RIMS2: variants seen among roughly 807,000 people sequenced by gnomAD.
RIMS2 encodes the protein regulating synaptic membrane exocytosis protein 2.
A neutral mutation model predicts 174.4 loss-of-function variants in RIMS2; 59 were observed. That is an observed-to-expected ratio of 0.34 (90% CI 0.27 to 0.42). The LOEUF is 0.42. Ranked by LOEUF, RIMS2 falls within the 10% of genes least tolerant of loss-of-function variation. The probability of loss-of-function intolerance (pLI) is 1.00; values close to 1 mark genes in which losing one functional copy is unlikely to be tolerated. For synonymous variants in RIMS2, 606 were observed against 572.5 expected, an observed-to-expected ratio of 1.06 and a Z score of -0.84; for missense variants, 1,620 against 1,666.3, an observed-to-expected ratio of 0.97 and a Z score of 0.48.
At chr8:103,997,951 GAT>G (rs2095203531) in intron 17 of RIMS2, among the ~76,000 whole-genome samples, 1 of 151,058 alleles carries the variant, frequency 6.6e-6, no homozygotes, top group African/African-American at 2.4e-5. Context: ...AGTAATAACT[GAT>G]GTTATATTGT....
At chr8:103,968,351 G>A (rs1275364574) in intron 15 of RIMS2, among the ~76,000 whole-genome samples, 3 of 151,362 alleles carry the variant, frequency 2.0e-5, no homozygotes, top group Non-Finnish European at 2.9e-5. Context: ...TGATATAGTG[G>A]GATTAATATC....
chr8:104,005,107 C>T (rs1303653965), intron 17 of RIMS2, among the ~76,000 whole-genome samples: 1 of 152,124 alleles, frequency 6.6e-6, no homozygotes, highest in African/African-American at 2.4e-5. Flanking sequence ...AATCTGGAGA[C>T]TGGGGTTCAT....
chr8:103,793,351 GC>G (rs1438660734), intron 3 of RIMS2, among the ~76,000 whole-genome samples: 1 of 152,126 alleles, frequency 6.6e-6, no homozygotes, highest in African/African-American at 2.4e-5. Flanking sequence ...CTCAATAGAT[GC>G]AGAAAAGGCC....
intron 9 of RIMS2, among the ~76,000 whole-genome samples, chr8:103,919,134 AG>A (rs1364737662): frequency 3.3e-5 from 5 of 152,172 alleles, no homozygotes; most frequent in Non-Finnish European, 7.4e-5. Flanking sequence ...ATTGATTGAG[AG>A]TACAGTAAGG....
At chr8:103,668,653 G>GATTTATTTATTTATTT (rs139537432) in intron 1 of RIMS2, among the ~76,000 whole-genome samples, 3,360 of 149,162 alleles carry the variant, frequency 0.023, 60 homozygotes, top group Non-Finnish European at 0.033. Context: ...GAGTATAGAC[G>GATTTATTTATTTATTT]ATTTATTTAT....
intron 1 of RIMS2, among the ~76,000 whole-genome samples, chr8:103,573,564 T>A (rs1188849501): frequency 5.3e-5 from 8 of 152,190 alleles, no homozygotes; most frequent in Admixed American, 3.9e-4. Context: ...TCTATTCTGC[T>A]ATGTTGGTCC....
In RIMS2 at chr8:104,091,781, GA is replaced by G. The variant is rs545245719; in HGVS notation, c.3334+77171del. ...TTGGTATTTTAAAATGACTTTATTT[GA>G]AAAATAATATTATGATCTAAATTGT... On this transcript the variant is annotated intron_variant, in intron 19 of 23. Transcript: ENST00000504942. Among the ~76,000 whole-genome samples, 10 of 151,416 alleles carry G rather than the reference GA, an allele frequency of 6.6e-5. 1 individual carries two copies. The South Asian group carries it at 2.1e-3, about 31-fold the overall frequency.
At chr8:104,097,284 C>T (rs964988460) in intron 19 of RIMS2, among the ~76,000 whole-genome samples, 13 of 152,072 alleles carry the variant, frequency 8.5e-5, no homozygotes, top group African/African-American at 3.1e-4. Flanking sequence ...ACACCTTATA[C>T]ACATAGCCTG....
At chr8:104,109,896 C>T (rs2098146658) in intron 19 of RIMS2, among the ~76,000 whole-genome samples, 1 of 152,040 alleles carries the variant, frequency 6.6e-6, no homozygotes, top group Non-Finnish European at 1.5e-5. Flanking sequence ...TATTTTATTT[C>T]TTAAATTGCC....
chr8:103,992,278 T>A (rs868752706), intron 17 of RIMS2, among the ~76,000 whole-genome samples: 15,786 of 142,320 alleles, frequency 0.11, 1,068 homozygotes, highest in Non-Finnish European at 0.17. Context: ...CCAGCTATTT[T>A]TTTTTTTTTT....
intron 1 of RIMS2, among the ~76,000 whole-genome samples, chr8:103,661,547 A>C (rs143566684): frequency 0.03 from 4,549 of 152,072 alleles, 75 homozygotes; most frequent in African/African-American, 0.046. Flanking sequence ...TCTGTCACCC[A>C]GGCTGGAGTG....
At chr8:103,614,257 C>T (rs2095453886) in intron 1 of RIMS2, among the ~76,000 whole-genome samples, 1 of 152,272 alleles carries the variant, frequency 6.6e-6, no homozygotes, top group Non-Finnish European at 1.5e-5. Flanking sequence ...GGTCCGTTTG[C>T]TCTCTCCATG....
chr8:104,158,924 G>C (rs2121552), intron 19 of RIMS2, among the ~76,000 whole-genome samples: 43,222 of 151,940 alleles, frequency 0.28, 6,317 homozygotes, highest in Non-Finnish European at 0.32. Context: ...TCTATTTTGC[G>C]TTTTGTTGCC....
chr8:103,921,416 G>C (rs184322734), intron 9 of RIMS2, among the ~76,000 whole-genome samples: 51 of 152,134 alleles, frequency 3.4e-4, no homozygotes, highest in African/African-American at 1.1e-3. Context: ...ACTAAGTCCT[G>C]AGGTAGAGGT....
exon 4 of RIMS2, chr8:103,885,465 A>T: frequency 6.2e-7 from 1 of 1,612,714 alleles, no homozygotes; most frequent in Non-Finnish European, 8.5e-7. Flanking sequence ...GAAGACTCTG[A>T]TCATTTAAGT....
At chr8:103,693,022 G>T (rs1278934368) in intron 1 of RIMS2, among the ~76,000 whole-genome samples, 4 of 152,144 alleles carry the variant, frequency 2.6e-5, no homozygotes, top group Non-Finnish European at 5.9e-5. Context: ...TTAGCTCATG[G>T]TGATGGGGCT....
At chr8:103,779,879 G>A (rs1236403822) in intron 3 of RIMS2, among the ~76,000 whole-genome samples, 2 of 150,796 alleles carry the variant, frequency 1.3e-5, no homozygotes, top group East Asian at 1.9e-4. Flanking sequence ...TTGTGCACAT[G>A]TACCCTAAAA....
At chr8:104,077,684 C>CT (rs1327396786) in intron 19 of RIMS2, among the ~76,000 whole-genome samples, 1 of 139,414 alleles carries the variant, frequency 7.2e-6, no homozygotes, top group African/African-American at 2.6e-5. Flanking sequence ...GCTCTGAACT[C>CT]AGGGTTCAGA....
At chr8:103,771,517 A>T (rs1374761562) in intron 3 of RIMS2, among the ~76,000 whole-genome samples, 4 of 152,116 alleles carry the variant, frequency 2.6e-5, no homozygotes, top group Admixed American at 2.0e-4. Flanking sequence ...AGAAATATGG[A>T]TAGTTTGTAT....
Sources: gnomAD v4.1 joint callset for allele counts (sites outside exome capture counted in the v4.1 genomes callset) on GRCh38, gnomAD v4.1.1 for gene constraint, MANE v1.5 for transcripts, NCBI Gene and HGNC (gene_info 2026-07-23, HGNC 2026-07-21) for gene names.